Variants in UXS1 observed in about 807,000 individuals in gnomAD.
UXS1 encodes the protein UDP-glucuronate decarboxylase 1.
A neutral mutation model predicts 62.6 loss-of-function variants in UXS1; 33 were observed. That is an observed-to-expected ratio of 0.53 (90% CI 0.40 to 0.70). UXS1 has a LOEUF of 0.70. Among genes scored for constraint, UXS1 ranks in the 30% least tolerant of loss-of-function variants. The pLI, the probability that UXS1 is intolerant of heterozygous loss-of-function variation, is 0.00. For missense variants in UXS1, 434 were observed against 556.3 expected (o/e 0.78, Z 2.21); for synonymous variants, 213 against 206.8 (o/e 1.03, Z -0.26).
intron 9 of UXS1, among the ~76,000 whole-genome samples, chr2:106,120,817 G>A (rs945552667): frequency 6.6e-5 from 10 of 152,216 alleles, no homozygotes; most frequent in African/African-American, 2.4e-4. Context: ...AGGGTGGAAG[G>A]CACATGCCTG....
rs113952179 is a variant in UXS1 at position 106,147,116 on chromosome 2, G to A, written c.292-1746C>T. Among the ~76,000 whole-genome samples the A allele has an allele frequency of 1.8e-3, 271 of 152,262 alleles. 1 individual carries two copies. The highest frequency in any genetic ancestry group is 6.3e-3 in the African/African-American group (261 of 41,548). On this transcript the variant is annotated intron_variant, in intron 5 of 14. Transcript: ENST00000283148. ...AGATCACACCACTGCACTCCAGCCT[G>A]GGTGACAGAGCGAGACTCTGTCTCA...
chr2:106,110,722 G>T (rs986599307), intron 10 of UXS1, among the ~76,000 whole-genome samples: 4 of 152,166 alleles, frequency 2.6e-5, no homozygotes, highest in African/African-American at 9.7e-5. Context: ...CGTACCTGGT[G>T]GTCTTCTGGA....
intron 10 of UXS1, among the ~76,000 whole-genome samples, chr2:106,110,317 CAT>C (rs1368282300): frequency 2.6e-5 from 4 of 152,174 alleles, no homozygotes; most frequent in African/African-American, 7.2e-5. Context: ...GAAGACAACA[CAT>C]GAGTTATCAC....
intron 1 of UXS1, among the ~76,000 whole-genome samples, chr2:106,189,022 A>C (rs1335219803): frequency 1.3e-5 from 2 of 152,204 alleles, no homozygotes; most frequent in East Asian, 3.8e-4. Context: ...AAATGAGGAG[A>C]CGTCCCAAAA....
At chr2:106,150,639 T>C (rs1336139201) in intron 5 of UXS1, among the ~76,000 whole-genome samples, 1 of 152,210 alleles carries the variant, frequency 6.6e-6, no homozygotes, top group Non-Finnish European at 1.5e-5. Context: ...GCAAGAGCCA[T>C]GAGAACATGG....
chr2:106,113,744 T>C (rs967928815), intron 9 of UXS1, among the ~76,000 whole-genome samples: 2 of 152,220 alleles, frequency 1.3e-5, no homozygotes, highest in African/African-American at 4.8e-5. Flanking sequence ...GCCTGGGGCG[T>C]GAGGACCTGG....
chr2:106,142,955 C>G (rs528162958), intron 6 of UXS1, among the ~76,000 whole-genome samples: 15 of 151,914 alleles, frequency 9.9e-5, no homozygotes, highest in Non-Finnish European at 1.5e-4. Flanking sequence ...GTCCTACACA[C>G]AGTCACAGAA....
intron 13 of UXS1, among the ~76,000 whole-genome samples, chr2:106,098,096 T>C (rs1011977136): frequency 3.3e-5 from 5 of 152,174 alleles, no homozygotes; most frequent in African/African-American, 7.2e-5. Context: ...GTGACTTCAC[T>C]CAAATTTCAG....
chr2:106,153,746 A>C (rs1682215522), intron 5 of UXS1, among the ~76,000 whole-genome samples: 1 of 152,228 alleles, frequency 6.6e-6, no homozygotes, highest in Non-Finnish European at 1.5e-5. Context: ...GTTGGATATA[A>C]CAAAGACACC....
At chr2:106,146,378 A>G (rs1459719164) in intron 5 of UXS1, among the ~76,000 whole-genome samples, 1 of 152,236 alleles carries the variant, frequency 6.6e-6, no homozygotes, top group Non-Finnish European at 1.5e-5. Context: ...AAGGTATACA[A>G]ACTCCTAGGT....
At chr2:106,112,616 G>C (rs770356243) in intron 10 of UXS1, 30 bp downstream of exon 10, 6 of 1,611,578 alleles carry the variant, frequency 3.7e-6, no homozygotes, top group South Asian at 1.1e-5. Context: ...TGGGTTGCAA[G>C]GTGCTCCCTG....
chr2:106,110,518 G>A (rs757637617), intron 10 of UXS1, among the ~76,000 whole-genome samples: 2 of 152,198 alleles, frequency 1.3e-5, no homozygotes, highest in Admixed American at 6.5e-5. Context: ...GGCTGTCCTC[G>A]AGATGTGGAA....
At chr2:106,193,128 T>C (rs2104312704) in intron 1 of UXS1, among the ~76,000 whole-genome samples, 1 of 152,254 alleles carries the variant, frequency 6.6e-6, no homozygotes, top group Middle Eastern at 3.4e-3. Flanking sequence ...GCACACAGGC[T>C]GGATCTACTC....
At chr2:106,152,465 AAAAG>A (rs1314391335) in intron 5 of UXS1, among the ~76,000 whole-genome samples, 1 of 120,316 alleles carries the variant, frequency 8.3e-6, no homozygotes, top group East Asian at 2.3e-4. Flanking sequence ...GAAAAGAAAG[AAAAG>A]AAAGGAAGGA....
chr2:106,194,265 G>A lies in UXS1; in HGVS notation c.-24C>T, dbSNP rs528627291. On this transcript the variant is annotated 5_prime_UTR_variant, in exon 1 of 15. Coordinates refer to ENST00000283148, the MANE Select transcript of UXS1 (RefSeq NM_001253875.2). ...ATCCCCGGGAGCCGCGCGGGTCCAG[G>A]GCCCTACCGCGCGGGGGCCCGCCTG... is the stretch of plus-strand genomic sequence containing the variant. The A allele has an allele frequency of 1.8e-5, 24 of 1,324,214 alleles. No homozygotes were observed. In the Admixed American group the frequency reaches 3.6e-4, roughly 20 times the overall value. 82.0% of individuals were successfully genotyped at this position (1,324,214 alleles called of 1,614,324 possible). A position where few individuals can be genotyped will look rare whatever the true frequency, so the allele number is the denominator to read the frequency against.
intron 7 of UXS1, among the ~76,000 whole-genome samples, chr2:106,126,454 G>GC (rs1372391746): frequency 1.5e-4 from 23 of 152,034 alleles, no homozygotes; most frequent in African/African-American, 3.9e-4. Context: ...CCTCAGCTCT[G>GC]CCCCCCCACC....
chr2:106,180,869 C>T (rs1231064376), intron 1 of UXS1, among the ~76,000 whole-genome samples: 1 of 152,158 alleles, frequency 6.6e-6, no homozygotes, highest in Non-Finnish European at 1.5e-5. Flanking sequence ...ATCAATGATG[C>T]CTGGTGTGGC....
intron 1 of UXS1, among the ~76,000 whole-genome samples, chr2:106,173,069 C>T (rs977149134): frequency 6.6e-6 from 1 of 152,190 alleles, no homozygotes; most frequent in Non-Finnish European, 1.5e-5. Context: ...GCTAATATAC[C>T]TATTTATATC....
intron 8 of UXS1, among the ~76,000 whole-genome samples, chr2:106,124,799 A>G (rs1456284401): frequency 6.6e-6 from 1 of 152,216 alleles, no homozygotes; most frequent in Non-Finnish European, 1.5e-5. Flanking sequence ...TAGAGATTAC[A>G]AAGAATATCA....
Sources: allele counts gnomAD v4.1 joint callset (sites outside exome capture counted in the v4.1 genomes callset), GRCh38; gene constraint gnomAD v4.1.1; transcripts MANE v1.5; gene names NCBI Gene and HGNC (gene_info 2026-07-23, HGNC 2026-07-21).